SLC9A3: variants seen among roughly 807,000 people sequenced by gnomAD.
The protein encoded by SLC9A3 is sodium/hydrogen exchanger 3.
In SLC9A3, 37 loss-of-function variants were observed where a neutral mutation model predicts 86.8. That is an observed-to-expected ratio of 0.43 (90% CI 0.33 to 0.56). The LOEUF is 0.56. Ranked by LOEUF, SLC9A3 falls within the 20% of genes least tolerant of loss-of-function variation. The pLI, the probability that SLC9A3 is intolerant of heterozygous loss-of-function variation, is 0.06. For missense variants in SLC9A3, 1,011 were observed against 1,171.9 expected (o/e 0.86, Z 2.00); for synonymous variants, 581 against 528.3 (o/e 1.10, Z -1.37).
intron 2 of SLC9A3, among the ~76,000 whole-genome samples, chr5:489,498 G>A (rs1739626921): frequency 6.6e-6 from 1 of 152,288 alleles, no homozygotes; most frequent in Non-Finnish European, 1.5e-5. Context: ...CTGTGCTGGC[G>A]CCTGGGAGGG....
chr5:522,933 C>T lies in SLC9A3; in HGVS notation c.211+1179G>A, dbSNP rs183375593. ...TAGGAGGCAGCCAGCCTCAGAGACT[C>T]CCCCCCGGCCAGCATCCCAAGCCCC... On this transcript the variant is annotated intron_variant, in intron 1 of 16. Coordinates refer to ENST00000264938, the MANE Select transcript of SLC9A3 (RefSeq NM_004174.4). Among the ~76,000 whole-genome samples, 146 of 151,672 alleles carry T rather than the reference C, an allele frequency of 9.6e-4. 1 individual carries two copies. Among genetic ancestry groups the T allele is most frequent in the Non-Finnish European group, 1.6e-3 (109 of 67,808 alleles).
At chr5:489,677 T>G (rs1371356812) in intron 2 of SLC9A3, among the ~76,000 whole-genome samples, 1 of 152,180 alleles carries the variant, frequency 6.6e-6, no homozygotes, top group Non-Finnish European at 1.5e-5. Context: ...CACACAAGCC[T>G]TCTCCTCTTC....
At chr5:488,546 G>A (rs1211663604) in intron 2 of SLC9A3, 70 bp from the exon 3 acceptor site, 14 of 1,407,832 alleles carry the variant, frequency 9.9e-6, no homozygotes, top group South Asian at 7.3e-5. Context: ...CTGGGGAGGC[G>A]CTCGCCTACG....
At chr5:477,122 C>T (rs1236807751) in intron 11 of SLC9A3, 3 of 533,780 alleles carry the variant, frequency 5.6e-6, no homozygotes, top group Non-Finnish European at 1.0e-5. Flanking sequence ...GCTGCTGCCC[C>T]TCCCTTTCAC....
intron 1 of SLC9A3, among the ~76,000 whole-genome samples, chr5:508,703 A>G (rs1347848710): frequency 6.6e-6 from 1 of 152,220 alleles, no homozygotes; most frequent in Admixed American, 6.5e-5. Flanking sequence ...CCTCAGCATC[A>G]CCATCGCCCC....
At chr5:519,389 G>T (rs577249760) in intron 1 of SLC9A3, among the ~76,000 whole-genome samples, 1 of 152,212 alleles carries the variant, frequency 6.6e-6, no homozygotes, top group Admixed American at 6.5e-5. Context: ...GGTGCTGTGC[G>T]CATTGAGGGA....
rs1738306746 is a variant in SLC9A3, at chr5:470,658, T to C, written c.*2721A>G. Reference sequence around the variant, plus strand: ...TTAGAATTACACGAAATTTGATTAATATTATAGCTGCAAAATTAACATACA... The same window carrying C: ...TTAGAATTACACGAAATTTGATTAACATTATAGCTGCAAAATTAACATACA... On this transcript the variant is annotated 3_prime_UTR_variant, in exon 17 of 17. Coordinates refer to ENST00000264938, the MANE Select transcript of SLC9A3 (RefSeq NM_004174.4). The C allele has an allele frequency of 6.6e-6, 1 of 152,342 alleles. No individual in the cohort carries two copies. The highest frequency in any genetic ancestry group is 6.5e-5 in the Admixed American group (1 of 15,286). The allele number at this position is 152,342 out of a possible 1,614,324, so 9.4% of individuals were successfully genotyped here.
chr5:517,878 C>T (rs1212048882), intron 1 of SLC9A3, among the ~76,000 whole-genome samples: 7 of 151,738 alleles, frequency 4.6e-5, no homozygotes. Context: ...TCCATCCATC[C>T]ATCCACTTAT....
In SLC9A3 at chr5:473,050, G is replaced by GGCGGCGCGCGCGAGGCC. The variant is rs1210620250; in HGVS notation, c.*312_*328dup. 1 of 330,006 alleles carries GGCGGCGCGCGCGAGGCC rather than the reference G, an allele frequency of 3.0e-6. No individual in the cohort carries two copies. The highest frequency in any genetic ancestry group is 5.4e-6 in the Non-Finnish European group (1 of 184,324). The allele number at this position is 330,006 out of a possible 1,614,324, so 20.4% of individuals were successfully genotyped here. On this transcript the variant is annotated 3_prime_UTR_variant, in exon 17 of 17. Coordinates refer to ENST00000264938, the MANE Select transcript of SLC9A3 (RefSeq NM_004174.4). ...GACGCCAGCTTCAGCAGCGCGGGGCGGCGGCGCGCGCGAGGCCGCTGGAAC... is the reference window on the plus strand; with the variant it reads ...GACGCCAGCTTCAGCAGCGCGGGGCGGCGGCGCGCGCGAGGCCGCGGCGCGCGCGAGGCCGCTGGAAC...
intron 1 of SLC9A3, among the ~76,000 whole-genome samples, chr5:512,790 T>C (rs1453883630): frequency 6.6e-6 from 1 of 151,796 alleles, no homozygotes; most frequent in Non-Finnish European, 1.5e-5. Flanking sequence ...GCAGAGAACG[T>C]GCACGGTGGG....
chr5:516,210 T>C (rs1360020385), intron 1 of SLC9A3, among the ~76,000 whole-genome samples: 1 of 150,720 alleles, frequency 6.6e-6, no homozygotes, highest in East Asian at 2.0e-4. Context: ...CTTTGGTCCT[T>C]GGTGCCCAGG....
At chr5:518,168 G>A (rs1019821412) in intron 1 of SLC9A3, among the ~76,000 whole-genome samples, 2 of 152,250 alleles carry the variant, frequency 1.3e-5, no homozygotes, top group African/African-American at 4.8e-5. Context: ...CCTTGGAGGA[G>A]GAGGTGTCCT....
chr5:498,111 C>T (rs959554168), intron 1 of SLC9A3, among the ~76,000 whole-genome samples: 5 of 152,216 alleles, frequency 3.3e-5, no homozygotes, highest in South Asian at 4.1e-4. Context: ...TCGGACCTTT[C>T]GCTCTGACAG....
Position 497,670 on chromosome 5 carries a change from C to T in SLC9A3, c.212-5599G>A, listed in dbSNP as rs1430810127. ...CAGATCCCCTGCAGCCCCCCTGAGCCGCTGACCCTGACCCCTGGGAGTGAA... is the reference window on the plus strand; with the variant it reads ...CAGATCCCCTGCAGCCCCCCTGAGCTGCTGACCCTGACCCCTGGGAGTGAA... On this transcript the variant is annotated intron_variant, in intron 1 of 16. Coordinates refer to ENST00000264938, the MANE Select transcript of SLC9A3 (RefSeq NM_004174.4). The surrounding 1 kb of genome is among the most constrained non-coding windows in gnomAD (Gnocchi z 5.4). Among the ~76,000 whole-genome samples, 1 of 152,188 alleles carries T rather than the reference C, an allele frequency of 6.6e-6. No homozygotes were observed. The highest frequency in any genetic ancestry group is 2.4e-5 in the African/African-American group (1 of 41,430).
chr5:485,095 G>A (rs1739400674), intron 4 of SLC9A3, 58 bp downstream of exon 4: 1 of 1,270,748 alleles, frequency 7.9e-7, no homozygotes, highest in African/African-American at 1.4e-5. Flanking sequence ...GGCCAGAGAA[G>A]ACAGTTGGCC....
At chr5:488,235 GC>G (rs1227329656) in intron 3 of SLC9A3, 80 bp downstream of exon 3, 1 of 1,503,256 alleles carries the variant, frequency 6.7e-7, no homozygotes, top group Non-Finnish European at 9.2e-7. Context: ...GCCCTCCTTT[GC>G]TGACTGACCG....
chr5:478,611 C>T (rs568903194), intron 10 of SLC9A3: 5 of 154,598 alleles, frequency 3.2e-5, no homozygotes, highest in African/African-American at 9.6e-5. Flanking sequence ...GGGTTGTGGT[C>T]GTGGGTCGTG....
In SLC9A3 at chr5:471,950, A is replaced by G. The variant is rs1454104648; in HGVS notation, c.*1429T>C. 1 of 456,530 alleles carries G rather than the reference A, an allele frequency of 2.2e-6. No homozygotes were observed. The highest frequency in any genetic ancestry group is 4.4e-6 in the Non-Finnish European group (1 of 226,970). 28.3% of individuals were successfully genotyped at this position (456,530 alleles called of 1,614,324 possible). A position where few individuals can be genotyped will look rare whatever the true frequency, so the allele number is the denominator to read the frequency against. On this transcript the variant is annotated 3_prime_UTR_variant, in exon 17 of 17. Coordinates refer to ENST00000264938, the MANE Select transcript of SLC9A3 (RefSeq NM_004174.4). ...CTTTAAGAACTCCTCCTGACTGGTG[A>G]CTGTCAACACTTGATCTGAAACGTG...
intron 10 of SLC9A3, chr5:478,450 G>A (rs978659339): frequency 5.4e-4 from 19 of 34,970 alleles, no homozygotes; most frequent in African/African-American, 1.1e-3. Flanking sequence ...GAGCCCTGCC[G>A]TGGGGTGGGG....
Sources: gnomAD v4.1 joint callset for allele counts (sites outside exome capture counted in the v4.1 genomes callset) on GRCh38, gnomAD v4.1.1 for gene constraint, Gnocchi (gnomAD v3.1) non-coding constraint, MANE v1.5 for transcripts, NCBI Gene and HGNC (gene_info 2026-07-23, HGNC 2026-07-21) for gene names.